TRABD2B: variants seen among roughly 807,000 people sequenced by gnomAD.
TRABD2B encodes metalloprotease TIKI2.
A neutral mutation model predicts 40.1 loss-of-function variants in TRABD2B; 14 were observed. The ratio of observed to expected loss-of-function variants is 0.35; its 90% CI spans 0.23 to 0.55. The LOEUF is 0.55. Among genes scored for constraint, TRABD2B ranks in the 20% least tolerant of loss-of-function variants. TRABD2B has a pLI of 0.90. For synonymous variants in TRABD2B, 263 were observed against 277.0 expected (o/e 0.95, Z 0.50); for missense variants, 541 against 648.6 (o/e 0.83, Z 1.80).
chr1:47,920,846 G>A (rs1644892761), intron 2 of TRABD2B, among the ~76,000 whole-genome samples: 1 of 152,118 alleles, frequency 6.6e-6, no homozygotes, highest in Non-Finnish European at 1.5e-5. Context: ...GACATCATGT[G>A]GTCTATCTCT....
chr1:47,961,454 A>G (rs1041748307), intron 2 of TRABD2B, among the ~76,000 whole-genome samples: 2 of 152,244 alleles, frequency 1.3e-5, no homozygotes, highest in African/African-American at 2.4e-5. Context: ...AATTTTTACA[A>G]TCTACCCATC....
intron 2 of TRABD2B, among the ~76,000 whole-genome samples, chr1:47,806,670 G>A (rs957266689): frequency 3.3e-5 from 5 of 152,218 alleles, no homozygotes; most frequent in Non-Finnish European, 7.3e-5. Context: ...GCTGAATGTA[G>A]GCCCAGAATT....
intron 2 of TRABD2B, among the ~76,000 whole-genome samples, chr1:47,858,432 A>AT (rs945903314): frequency 5.3e-5 from 8 of 151,868 alleles, no homozygotes; most frequent in African/African-American, 1.9e-4. Context: ...TAATTTTAAA[A>AT]TTTTTTTGTA....
chr1:47,854,963 C>G (rs969067585), intron 2 of TRABD2B, among the ~76,000 whole-genome samples: 1 of 152,152 alleles, frequency 6.6e-6, no homozygotes, highest in African/African-American at 2.4e-5. Flanking sequence ...ACCTCTGAGC[C>G]TATTTCCTCA....
At chr1:47,845,714 G>T (rs1645459436) in intron 2 of TRABD2B, among the ~76,000 whole-genome samples, 1 of 152,182 alleles carries the variant, frequency 6.6e-6, no homozygotes, top group Non-Finnish European at 1.5e-5. Flanking sequence ...TAGATACAAG[G>T]TATGTGAATA....
intron 2 of TRABD2B, among the ~76,000 whole-genome samples, chr1:47,918,353 T>C (rs1644856835): frequency 6.6e-6 from 1 of 152,240 alleles, no homozygotes; most frequent in Non-Finnish European, 1.5e-5. Flanking sequence ...GAGAACAGAC[T>C]GTCTGTCAAC....
intron 3 of TRABD2B, among the ~76,000 whole-genome samples, chr1:47,800,188 A>G (rs1644803705): frequency 6.6e-6 from 1 of 152,150 alleles, no homozygotes; most frequent in South Asian, 2.1e-4. Context: ...ACAGTCACTA[A>G]TCAATGAATC....
At chr1:47,990,777 A>C (rs568087320) in intron 2 of TRABD2B, among the ~76,000 whole-genome samples, 1 of 3,788 alleles carries the variant, frequency 2.6e-4, no homozygotes, top group Non-Finnish European at 5.2e-4. Flanking sequence ...GGTTTTATAT[A>C]TATATATATA....
chr1:47,980,348 A>ACAGCATACAATG (rs1645823702), intron 2 of TRABD2B, among the ~76,000 whole-genome samples: 1 of 152,190 alleles, frequency 6.6e-6, no homozygotes, highest in Admixed American at 6.5e-5. Context: ...ATTGTATACA[A>ACAGCATACAATG]TTGAGTATAT....
At chr1:47,787,871 G>A (rs1223577530) in intron 4 of TRABD2B, among the ~76,000 whole-genome samples, 4 of 152,122 alleles carry the variant, frequency 2.6e-5, no homozygotes, top group Non-Finnish European at 4.4e-5. Flanking sequence ...CATGAGAGAG[G>A]CTGTGATAGC....
intron 2 of TRABD2B, among the ~76,000 whole-genome samples, chr1:47,988,345 A>G (rs1267334911): frequency 6.6e-6 from 1 of 152,230 alleles, no homozygotes; most frequent in Non-Finnish European, 1.5e-5. Context: ...AGGGCATAAA[A>G]GCAATGGGGT....
chr1:47,997,150 G>A lies in TRABD2B; in HGVS notation c.-361C>T. 2 of 984,176 alleles carry A rather than the reference G, an allele frequency of 2.0e-6. No homozygotes were observed. Among genetic ancestry groups the A allele is most frequent in the Non-Finnish European group, 2.4e-6 (2 of 829,518 alleles). The allele number at this position is 984,176 out of a possible 1,614,324, so 61.0% of individuals were successfully genotyped here. ...CCTGGGGCAGAACCGAGAACCCGGG[G>A]TGCGCAAGGGTCCCGGGGTTATGCT... On this transcript the variant is annotated 5_prime_UTR_variant, in exon 1 of 7. Transcript: ENST00000606738.
intron 2 of TRABD2B, among the ~76,000 whole-genome samples, chr1:47,874,777 T>C (rs1465145504): frequency 6.6e-6 from 1 of 150,914 alleles, no homozygotes; most frequent in Non-Finnish European, 1.5e-5. Context: ...CATATACACA[T>C]ATATTTTTAA....
At chr1:47,779,284 G>A (rs1176605658) in intron 4 of TRABD2B, among the ~76,000 whole-genome samples, 1 of 152,204 alleles carries the variant, frequency 6.6e-6, no homozygotes, top group African/African-American at 2.4e-5. Flanking sequence ...GCAGGGCCTG[G>A]CAGACAGTGA....
chr1:47,766,836 C>G (rs1325394657), intron 6 of TRABD2B, among the ~76,000 whole-genome samples: 2 of 152,078 alleles, frequency 1.3e-5, no homozygotes, highest in African/African-American at 4.8e-5. Flanking sequence ...CAGTCTTTCA[C>G]GAATTTACAA....
intron 2 of TRABD2B, among the ~76,000 whole-genome samples, chr1:47,817,836 G>A (rs910054251): frequency 5.9e-5 from 9 of 152,224 alleles, no homozygotes; most frequent in Non-Finnish European, 7.3e-5. Flanking sequence ...CTCAGGGGCC[G>A]TGGGCCCAGG....
At chr1:47,809,580 T>G (rs554625413) in intron 2 of TRABD2B, among the ~76,000 whole-genome samples, 4 of 152,310 alleles carry the variant, frequency 2.6e-5, no homozygotes, top group Non-Finnish European at 5.9e-5. Flanking sequence ...CTGGGGGACA[T>G]TTCTTCAAAG....
intron 4 of TRABD2B, among the ~76,000 whole-genome samples, chr1:47,793,978 T>C (rs183179438): frequency 1.1e-4 from 17 of 152,370 alleles, no homozygotes; most frequent in African/African-American, 3.8e-4. Context: ...ATCATCATGA[T>C]GATCATTGCA....
chr1:47,959,683 A>G (rs1038377482), intron 2 of TRABD2B, among the ~76,000 whole-genome samples: 1 of 152,254 alleles, frequency 6.6e-6, no homozygotes, highest in African/African-American at 2.4e-5. Context: ...ATCCCTGAAT[A>G]GACCAATAAC....
Sources: allele counts gnomAD v4.1 joint callset (sites outside exome capture counted in the v4.1 genomes callset), GRCh38; gene constraint gnomAD v4.1.1; transcripts MANE v1.5; gene names NCBI Gene and HGNC (gene_info 2026-07-23, HGNC 2026-07-21).